GCNT2: variants seen among roughly 807,000 people sequenced by gnomAD.
The protein encoded by GCNT2 is glucosaminyl (N-acetyl) transferase 2 (I blood group), also known as N-acetyllactosaminide beta-1,6-N-acetylglucosaminyl-transferase.
A neutral mutation model predicts 34.2 loss-of-function variants in GCNT2; 34 were observed. The ratio of observed to expected loss-of-function variants is 1.00; its 90% confidence interval spans 0.76 to 1.32. The LOEUF (loss-of-function observed/expected upper bound fraction) is 1.32. Among genes scored for constraint, GCNT2 ranks in the 40% most tolerant of loss-of-function variants. The pLI, the probability that GCNT2 is intolerant of heterozygous loss-of-function variation, is 0.00. For missense variants in GCNT2, 584 were observed against 489.4 expected, an observed-to-expected ratio of 1.19 and a Z score of -1.82; for synonymous variants, 212 against 188.0, an observed-to-expected ratio of 1.13 and a Z score of -1.04.
intron 3 of GCNT2, among the ~76,000 whole-genome samples, chr6:10,553,398 A>T (rs941732795): frequency 2.0e-4 from 30 of 152,296 alleles, no homozygotes; most frequent in African/African-American, 6.3e-4. Context: ...TCTGCCTCCA[A>T]CACAGTTTTC....
chr6:10,546,116 A>C (rs968205220), intron 3 of GCNT2, among the ~76,000 whole-genome samples: 1 of 152,074 alleles, frequency 6.6e-6, no homozygotes, highest in African/African-American at 2.4e-5. Context: ...GTGCATGCTG[A>C]CTTGCTGGGA....
At chr6:10,600,100 C>T (rs1765030993) in intron 3 of GCNT2, among the ~76,000 whole-genome samples, 3 of 152,264 alleles carry the variant, frequency 2.0e-5, no homozygotes, top group Admixed American at 6.5e-5. Flanking sequence ...ACTTTTAAGT[C>T]CTTCAAGACA....
At chr6:10,608,073 C>CTTT (rs576372819) in intron 3 of GCNT2, among the ~76,000 whole-genome samples, 11 of 124,744 alleles carry the variant, frequency 8.8e-5, no homozygotes, top group Non-Finnish European at 1.0e-4. Flanking sequence ...ATGGTATGCA[C>CTTT]TTTTTTTTTT....
chr6:10,607,866 G>C (rs73721318), intron 3 of GCNT2, among the ~76,000 whole-genome samples: 18,553 of 151,970 alleles, frequency 0.12, 1,724 homozygotes, highest in African/African-American at 0.26. Context: ...CTCTAATTTT[G>C]AGATAGGGAA....
At chr6:10,538,438 A>ATG (rs1761882060) in intron 3 of GCNT2, among the ~76,000 whole-genome samples, 1 of 83,558 alleles carries the variant, frequency 1.2e-5, no homozygotes, top group Admixed American at 1.1e-4. Flanking sequence ...AAAAAAAAAA[A>ATG]TATATATATA....
chr6:10,546,408 C>G (rs1173007971), intron 3 of GCNT2, among the ~76,000 whole-genome samples: 2 of 152,152 alleles, frequency 1.3e-5, no homozygotes, highest in African/African-American at 4.8e-5. Context: ...ACTGTAATCC[C>G]AGCACTTTGG....
At chr6:10,545,973 A>G (rs1762247789) in intron 3 of GCNT2, among the ~76,000 whole-genome samples, 1 of 152,210 alleles carries the variant, frequency 6.6e-6, no homozygotes, top group African/African-American at 2.4e-5. Context: ...AAGGGCAGCT[A>G]GAAATGACTT....
intron 3 of GCNT2, among the ~76,000 whole-genome samples, chr6:10,602,957 GAA>G (rs1231370202): frequency 1.3e-5 from 2 of 152,288 alleles, no homozygotes; most frequent in Admixed American, 1.3e-4. Flanking sequence ...ACTTTTATTT[GAA>G]AGAGTCAGTA....
chr6:10,548,729 A>G lies in GCNT2; in HGVS notation c.925+18893A>G, dbSNP rs146697037. On this transcript the variant is annotated intron_variant, in intron 3 of 4. Coordinates refer to ENST00000495262, the MANE Select transcript of GCNT2 (RefSeq NM_145649.5). Reference sequence around the variant, plus strand: ...AGGCAGTTGTATTTCATTCATTCTCATTGTTGCATAGAGAGAAGAACCCAT... The same window carrying G: ...AGGCAGTTGTATTTCATTCATTCTCGTTGTTGCATAGAGAGAAGAACCCAT... Among the ~76,000 whole-genome samples the G allele has an allele frequency of 4.8e-3, 719 of 149,774 alleles. 3 individuals are homozygous for G. The highest frequency in any genetic ancestry group is 0.016 in the African/African-American group (658 of 41,038).
intron 3 of GCNT2, among the ~76,000 whole-genome samples, chr6:10,582,860 G>T (rs1417223581): frequency 3.9e-5 from 6 of 152,156 alleles, no homozygotes; most frequent in South Asian, 2.1e-4. Context: ...CAGGTGCCCG[G>T]ATTCTTGCCA....
intron 3 of GCNT2, among the ~76,000 whole-genome samples, chr6:10,577,463 G>A (rs937653961): frequency 4.4e-4 from 67 of 152,212 alleles, no homozygotes; most frequent in Non-Finnish European, 7.9e-4. Context: ...AGAGCCCCAG[G>A]AGCAGAAGTG....
chr6:10,547,329 G>A (rs556818112), intron 3 of GCNT2, among the ~76,000 whole-genome samples: 1 of 152,266 alleles, frequency 6.6e-6, no homozygotes, highest in South Asian at 2.1e-4. Context: ...AGTGTGCATG[G>A]TTATACTCAT....
intron 3 of GCNT2, among the ~76,000 whole-genome samples, chr6:10,592,137 G>C (rs772808079): frequency 6.6e-6 from 1 of 151,118 alleles, no homozygotes; most frequent in African/African-American, 2.4e-5. Flanking sequence ...CGCTACTTGG[G>C]GGGGCTGGAG....
At chr6:10,592,358 ATTT>A (rs767432074) in intron 3 of GCNT2, among the ~76,000 whole-genome samples, 2 of 152,212 alleles carry the variant, frequency 1.3e-5, no homozygotes, top group African/African-American at 4.8e-5. Flanking sequence ...AGTCTGGCTT[ATTT>A]AACCTCTTCA....
At chr6:10,555,972 G>T in intron 3 of GCNT2, 1 of 1,032,720 alleles carries the variant, frequency 9.7e-7, no homozygotes, top group South Asian at 3.6e-5. Flanking sequence ...GAAGCGGCAC[G>T]CCTGCCAGAG....
rs1764494476 is a variant in GCNT2, at chr6:10,589,004, T to TGTGG, written c.926-32344_926-32343insGGTG. Among the ~76,000 whole-genome samples the TGTGG allele has an allele frequency of 2.8e-5, 4 of 143,766 alleles. No homozygotes were observed. The East Asian group carries it at 8.4e-4, about 30-fold the overall frequency. 94.3% of individuals were successfully genotyped at this position (143,766 alleles called of 152,430 possible). On this transcript the variant is annotated intron_variant, in intron 3 of 4. Transcript: ENST00000495262. ...GGTGTGGTTGTGTGGTGTGGGTGTG[T>TGTGG]GTGTGGTGTGTATATGTGGTGTATG...
At chr6:10,586,964 T>G (rs1225955513) in intron 3 of GCNT2, 2 of 1,272,794 alleles carry the variant, frequency 1.6e-6, no homozygotes, top group Non-Finnish European at 2.3e-6. Flanking sequence ...GCTAACATTC[T>G]GCTCGCCTAG....
intron 3 of GCNT2, among the ~76,000 whole-genome samples, chr6:10,539,590 T>C (rs1761945975): frequency 6.6e-6 from 1 of 152,178 alleles, no homozygotes; most frequent in South Asian, 2.1e-4. Context: ...TGTTGAAGGA[T>C]TAGAGAGTAC....
chr6:10,534,126 A>G (rs923337970), intron 3 of GCNT2, among the ~76,000 whole-genome samples: 1 of 107,400 alleles, frequency 9.3e-6, no homozygotes, highest in Admixed American at 9.8e-5. Context: ...GGTATCTGCC[A>G]GATTCCATGC....
Sources: gnomAD v4.1 joint callset for allele counts (sites outside exome capture counted in the v4.1 genomes callset) on GRCh38, gnomAD v4.1.1 for gene constraint, MANE v1.5 for transcripts, NCBI Gene and HGNC (gene_info 2026-07-23, HGNC 2026-07-21) for gene names.